Variants in DST observed in about 807,000 individuals in gnomAD.
The protein encoded by DST is bullous pemphigoid antigen.
DST carries 253 observed loss-of-function variants against 875.2 expected under a neutral mutation model. The ratio of observed to expected loss-of-function variants is 0.29; its 90% CI spans 0.26 to 0.32. The LOEUF (loss-of-function observed/expected upper bound fraction) is 0.32. Ranked by LOEUF, DST falls within the 10% of genes least tolerant of loss-of-function variation. The probability of loss-of-function intolerance (pLI) is 1.00; values close to 1 mark genes in which losing one functional copy is unlikely to be tolerated. For missense variants in DST, 8,287 were observed against 9,111.6 expected, an observed-to-expected ratio of 0.91 and a Z score of 3.68; for synonymous variants, 3,124 against 3,197.1, an observed-to-expected ratio of 0.98 and a Z score of 0.77.
At chr6:56,666,585 G>C (rs2099073418) in intron 10 of DST, among the ~76,000 whole-genome samples, 3 of 151,806 alleles carry the variant, frequency 2.0e-5, no homozygotes, top group Admixed American at 2.0e-4. Flanking sequence ...AATTTTTATT[G>C]ACAAAGCCAA....
intron 58 of DST, among the ~76,000 whole-genome samples, chr6:56,558,086 G>A (rs900174536): frequency 5.3e-5 from 8 of 151,932 alleles, no homozygotes; most frequent in African/African-American, 1.7e-4. Flanking sequence ...TCTTTCAAAG[G>A]TTATCTTTTC....
chr6:56,782,737 G>A (rs891771154), intron 4 of DST, among the ~76,000 whole-genome samples: 1 of 152,086 alleles, frequency 6.6e-6, no homozygotes, highest in African/African-American at 2.4e-5. Flanking sequence ...GTTCTGCTCT[G>A]ATTTTCGTTA....
At chr6:56,878,458 G>A (rs1209950301) in intron 3 of DST, among the ~76,000 whole-genome samples, 1 of 152,170 alleles carries the variant, frequency 6.6e-6, no homozygotes, top group East Asian at 1.9e-4. Context: ...ATCTGTCATG[G>A]ACCCAGGGAC....
At position 56,552,218 on chromosome 6, in the gene DST, G is replaced by A. The variant is rs756527130; in HGVS notation, c.16574C>T (p.Thr5525Met). 3.3e-5 allele frequency: 54 copies of A among 1,613,160 alleles called. No individual in the cohort carries two copies. The highest frequency in any genetic ancestry group is 2.0e-4 in the East Asian group (9 of 44,886). The change falls in exon 61 of 104, where the codon ACG (threonine) becomes ATG (methionine). Residue 5525 changes from threonine (T) to methionine (M), a missense_variant. Coordinates refer to ENST00000680361, the MANE Select transcript of DST (RefSeq NM_001374736.1). The part of the protein sequence containing the change: ...EESQGPVGME[T>M]ETINQQLNMF... ...GTTAAGCTGCTGATTAATTGTCTCCGTTTCCATACCAACAGGACCTTGTGA... is the reference window on the plus strand; with the variant it reads ...GTTAAGCTGCTGATTAATTGTCTCCATTTCCATACCAACAGGACCTTGTGA...
intron 3 of DST, among the ~76,000 whole-genome samples, chr6:56,887,904 T>C (rs1785377957): frequency 6.6e-6 from 1 of 152,094 alleles, no homozygotes; most frequent in Admixed American, 6.5e-5. Flanking sequence ...CATTAATTAT[T>C]CCAATACCTT....
rs572224447 is a variant in DST, at chr6:56,473,789, G to A, written c.21994+84C>T. On this transcript the variant is annotated intron_variant, in intron 93 of 103. Transcript: ENST00000680361. ...AAGTGCTCATGTAAAATCACCAATT[G>A]CCCCCAAATTTCAAATAATTCAAAA... 170 of 1,358,154 alleles carry A rather than the reference G, an allele frequency of 1.3e-4. 4 individuals carry two copies. The South Asian group carries it at 2.2e-3, about 17-fold the overall frequency. 84.1% of individuals were successfully genotyped at this position (1,358,154 alleles called of 1,614,324 possible). A position where few individuals can be genotyped will look rare whatever the true frequency, so the allele number is the denominator to read the frequency against.
intron 10 of DST, among the ~76,000 whole-genome samples, chr6:56,667,579 C>T (rs1037219113): frequency 6.6e-6 from 1 of 152,048 alleles, no homozygotes; most frequent in Non-Finnish European, 1.5e-5. Flanking sequence ...ATTTTAACCA[C>T]GAACCTTAAC....
At position 56,693,740 on chromosome 6, in the gene DST, T is replaced by G. The variant is rs543531061; in HGVS notation, c.1047+5913A>C. On this transcript the variant is annotated intron_variant, in intron 9 of 103. Transcript: ENST00000680361. ...ATTTTGGTACTTGCACACAAACACA[T>G]CAAAAGCTCAAAGATCTCTGTAAAT... is the stretch of plus-strand genomic sequence containing the variant. Among the ~76,000 whole-genome samples the G allele has an allele frequency of 1.4e-4, 22 of 151,830 alleles. No individual in the cohort carries two copies. In the South Asian group the frequency reaches 4.4e-3, roughly 30 times the overall value.
At chr6:56,849,290 C>A (rs2127573259) in intron 4 of DST, among the ~76,000 whole-genome samples, 1 of 152,032 alleles carries the variant, frequency 6.6e-6, no homozygotes, top group East Asian at 2.0e-4. Context: ...GCACACGCCA[C>A]CACGCCCAGC....
intron 2 of DST, among the ~76,000 whole-genome samples, chr6:56,933,570 A>AG (rs1405869406): frequency 6.6e-6 from 1 of 152,174 alleles, no homozygotes; most frequent in Non-Finnish European, 1.5e-5. Flanking sequence ...AGGAAGACTA[A>AG]GGGAAGAATG....
intron 61 of DST, among the ~76,000 whole-genome samples, chr6:56,544,868 C>T (rs542844465): frequency 2.1e-4 from 32 of 152,168 alleles, no homozygotes; most frequent in African/African-American, 6.0e-4. Flanking sequence ...CATGTAAGAG[C>T]TCATATATAG....
At position 56,492,921 on chromosome 6, in the gene DST, A is replaced by T. The variant is rs1321597147; in HGVS notation, c.20550+13T>A. ...CTGAAAAGAGAATCCTATCTATTTG[A>T]CTCACTACATACCTTGTGTTCGTCA... On this transcript the variant is annotated intron_variant, in intron 84 of 103. Coordinates refer to ENST00000680361, the MANE Select transcript of DST (RefSeq NM_001374736.1). The T allele has an allele frequency of 1.3e-6, 2 of 1,548,180 alleles. No homozygotes were observed. The highest frequency in any genetic ancestry group is 1.7e-6 in the Non-Finnish European group (2 of 1,149,822).
chr6:56,934,643 A>G (rs978101236), intron 2 of DST, among the ~76,000 whole-genome samples: 1 of 146,588 alleles, frequency 6.8e-6, no homozygotes, highest in Non-Finnish European at 1.5e-5. Context: ...ACATGGAGAG[A>G]GAGAATTAAG....
In DST at chr6:56,470,300, A is replaced by G. The variant is rs773163259; in HGVS notation, c.22322-18T>C. 3.2e-6 allele frequency: 5 copies of G among 1,579,428 alleles called. No homozygotes were observed. The African/African-American group carries it at 6.7e-5, about 21-fold the overall frequency. On this transcript the variant is annotated intron_variant, in intron 95 of 103. Coordinates refer to ENST00000680361, the MANE Select transcript of DST (RefSeq NM_001374736.1). The stretch of plus-strand genomic sequence containing the variant: ...TGGAAACTCTAAAATTTTGAAAACA[A>G]TGGTAAGTAGTGACTTGTTAGTTCT...
At chr6:56,880,457 G>A (rs1402223160) in intron 3 of DST, among the ~76,000 whole-genome samples, 1 of 152,188 alleles carries the variant, frequency 6.6e-6, no homozygotes, top group Non-Finnish European at 1.5e-5. Context: ...GGAAGCCAAG[G>A]TGGGCAGATC....
chr6:56,692,287 C>T (rs560487315), intron 9 of DST: 1 of 572,116 alleles, frequency 1.7e-6, no homozygotes, highest in East Asian at 7.0e-5. Flanking sequence ...TTTACATACA[C>T]TAATATGAAA....
intron 3 of DST, among the ~76,000 whole-genome samples, chr6:56,893,852 C>T (rs1789278511): frequency 3.2e-5 from 1 of 31,304 alleles, no homozygotes; most frequent in Non-Finnish European, 5.6e-5. Context: ...CATCTTGCAC[C>T]GCCCTTAATC....
rs1436091600 is a variant in DST, at chr6:56,631,392, A to G, written c.3964-3T>C. 12 of 1,613,264 alleles carry G rather than the reference A, an allele frequency of 7.4e-6. No homozygotes were observed. Among genetic ancestry groups the G allele is most frequent in the Non-Finnish European group, 1.0e-5 (12 of 1,179,528 alleles). Reference sequence around the variant, plus strand: ...CGTTCCAGCTCTTTCTTTAGTTTCTATAAAACAGAGAACAAACAAAGGTAT... The same window carrying G: ...CGTTCCAGCTCTTTCTTTAGTTTCTGTAAAACAGAGAACAAACAAAGGTAT... On this transcript the variant is annotated splice_polypyrimidine_tract_variant and splice_region_variant and intron_variant, in intron 29 of 103. Coordinates refer to ENST00000680361, the MANE Select transcript of DST (RefSeq NM_001374736.1).
chr6:56,841,842 T>C (rs1043733488), intron 4 of DST, among the ~76,000 whole-genome samples: 1 of 150,140 alleles, frequency 6.7e-6, no homozygotes, highest in African/African-American at 2.4e-5. Flanking sequence ...CCCACCCACA[T>C]ACACACACAC....
Sources: allele counts gnomAD v4.1 joint callset (sites outside exome capture counted in the v4.1 genomes callset), GRCh38; gene constraint gnomAD v4.1.1; transcripts MANE v1.5; gene names NCBI Gene and HGNC (gene_info 2026-07-23, HGNC 2026-07-21).